TYW1: variants seen among roughly 807,000 people sequenced by gnomAD.
TYW1 encodes S-adenosyl-L-methionine-dependent tRNA 4-demethylwyosine synthase TYW1.
TYW1 carries 46 observed loss-of-function variants against 96.2 expected under a neutral mutation model. That is an observed-to-expected ratio of 0.48 (90% CI 0.38 to 0.61). The LOEUF is 0.61. TYW1 is among the 20% of genes least tolerant of loss of function. The pLI is 0.00. For synonymous variants in TYW1, 274 were observed against 323.0 expected (o/e 0.85, Z 1.63); for missense variants, 684 against 909.6 (o/e 0.75, Z 3.19).
chr7:67,124,552 T>C (rs1244880342), intron 13 of TYW1, among the ~76,000 whole-genome samples: 2 of 152,216 alleles, frequency 1.3e-5, no homozygotes, highest in Non-Finnish European at 2.9e-5. Flanking sequence ...ATATAGTTTA[T>C]ATGTTGTGAA....
At chr7:67,055,609 A>T (rs959822840) in intron 8 of TYW1, among the ~76,000 whole-genome samples, 2 of 151,118 alleles carry the variant, frequency 1.3e-5, no homozygotes, top group Non-Finnish European at 2.9e-5. Context: ...AAAAAAAAAA[A>T]AAAGATCATT....
intron 15 of TYW1, among the ~76,000 whole-genome samples, chr7:67,205,969 C>T (rs1179972826): frequency 1.3e-5 from 2 of 152,084 alleles, no homozygotes; most frequent in African/African-American, 4.8e-5. Flanking sequence ...AATCTTTTTG[C>T]TTGCCTTATA....
intron 11 of TYW1, chr7:67,089,510 C>G: frequency 1.2e-6 from 1 of 839,318 alleles, no homozygotes; most frequent in South Asian, 1.5e-5. Context: ...TTGGAGAGTC[C>G]TTTGCTTTCT....
chr7:67,120,854 C>A (rs968743710), intron 13 of TYW1, among the ~76,000 whole-genome samples: 4 of 152,216 alleles, frequency 2.6e-5, no homozygotes, highest in African/African-American at 9.6e-5. Context: ...GACAGTAATG[C>A]AGTAACTTAA....
intron 15 of TYW1, among the ~76,000 whole-genome samples, chr7:67,207,151 A>C (rs1365769154): frequency 1.3e-5 from 2 of 152,198 alleles, no homozygotes; most frequent in Non-Finnish European, 2.9e-5. Context: ...CTGTATGTAC[A>C]TATACCAAGC....
intron 6 of TYW1, 103 bp downstream of exon 6, chr7:67,018,246 A>G (rs1435745051): frequency 1.4e-6 from 2 of 1,454,158 alleles, no homozygotes; most frequent in Non-Finnish European, 1.8e-6. Context: ...TTCTGGTTAG[A>G]AGGAAGATCT....
rs188418056 is a variant in TYW1, at chr7:67,142,828, G to C, written c.1698+25210G>C. The stretch of plus-strand genomic sequence containing the variant: ...CATTTTTGGGAGGCTGAGGTGGGTG[G>C]ATCACCTGAGGTCAGGAATTCGAGA... On this transcript the variant is annotated intron_variant, in intron 13 of 15. Coordinates refer to ENST00000359626, the MANE Select transcript of TYW1 (RefSeq NM_018264.4). Among the ~76,000 whole-genome samples the C allele has an allele frequency of 2.8e-3, 424 of 152,206 alleles. 1 individual carries two copies. Among genetic ancestry groups the C allele is most frequent in the African/African-American group, 9.8e-3 (409 of 41,548 alleles).
At chr7:67,060,757 G>C (rs1350227930) in intron 9 of TYW1, among the ~76,000 whole-genome samples, 2 of 152,194 alleles carry the variant, frequency 1.3e-5, no homozygotes, top group East Asian at 3.8e-4. Context: ...AGGAGTAAAA[G>C]TCTCATTATG....
chr7:67,090,686 G>A (rs1189071858), intron 11 of TYW1, among the ~76,000 whole-genome samples: 4 of 152,230 alleles, frequency 2.6e-5, no homozygotes, highest in Non-Finnish European at 5.9e-5. Context: ...GTGTGTGCAT[G>A]TGCGTGTATG....
intron 13 of TYW1, among the ~76,000 whole-genome samples, chr7:67,133,475 G>A (rs545966863): frequency 4.6e-5 from 7 of 152,006 alleles, no homozygotes; most frequent in Admixed American, 6.6e-5. Flanking sequence ...CAAGGCAGGC[G>A]GATCATGAAA....
intron 14 of TYW1, among the ~76,000 whole-genome samples, chr7:67,190,626 CAG>C (rs762574875): frequency 2.0e-5 from 3 of 152,196 alleles, no homozygotes; most frequent in South Asian, 4.1e-4. Context: ...TGGCCAAAGA[CAG>C]GGGCTTGAAT....
At chr7:67,190,594 G>A (rs773779948) in intron 14 of TYW1, among the ~76,000 whole-genome samples, 10 of 152,336 alleles carry the variant, frequency 6.6e-5, no homozygotes, top group Non-Finnish European at 7.3e-5. Flanking sequence ...GGGCAGTCCA[G>A]CTCTAGAGTT....
rs970329189 is a variant in TYW1 at position 67,143,009 on chromosome 7, C to T, written c.1698+25391C>T. ...CGGAAGTTGAAATGAGCCAAGATAGCGCCATTGCACTCCAGCCTGGAACAA... is the reference window on the plus strand; with the variant it reads ...CGGAAGTTGAAATGAGCCAAGATAGTGCCATTGCACTCCAGCCTGGAACAA... On this transcript the variant is annotated intron_variant, in intron 13 of 15. Transcript: ENST00000359626. 1.3e-4 allele frequency among the ~76,000 whole-genome samples: 20 copies of T among 150,830 alleles called. No homozygotes were observed. In the South Asian group the frequency reaches 1.7e-3, roughly 13 times the overall value.
At position 67,238,293 on chromosome 7, in the gene TYW1, T is replaced by C. The variant is rs894949540; in HGVS notation, c.1978-15T>C. The C allele has an allele frequency of 2.5e-6, 4 of 1,589,150 alleles. No individual in the cohort carries two copies. Among genetic ancestry groups the C allele is most frequent in the African/African-American group, 2.7e-5 (2 of 73,732 alleles). On this transcript the variant is annotated splice_polypyrimidine_tract_variant and intron_variant, in intron 15 of 15. Transcript: ENST00000359626. ...ATGTTTTTACTTCTGACTTGACACA[T>C]TTTTTTCTTTCCAGTTTAAAATTGG...
intron 13 of TYW1, among the ~76,000 whole-genome samples, chr7:67,134,957 A>G (rs1356795816): frequency 4.0e-5 from 6 of 150,454 alleles, no homozygotes; most frequent in African/African-American, 1.5e-4. Context: ...AAAAAAAAAA[A>G]AAAAAAAAAA....
chr7:67,199,239 A>G (rs1188451022), intron 15 of TYW1, among the ~76,000 whole-genome samples: 1 of 151,904 alleles, frequency 6.6e-6, no homozygotes, highest in Non-Finnish European at 1.5e-5. Context: ...TTTGTTTTAT[A>G]TTTGCCTGAT....
intron 9 of TYW1, 102 bp from the exon 10 acceptor site, chr7:67,067,183 A>T (rs1228302566): frequency 1.5e-6 from 2 of 1,309,960 alleles, no homozygotes; most frequent in African/African-American, 2.9e-5. Flanking sequence ...AGGAGTATTC[A>T]TGGTTACGAA....
At chr7:67,166,031 G>A (rs1379318658) in intron 13 of TYW1, among the ~76,000 whole-genome samples, 1 of 152,092 alleles carries the variant, frequency 6.6e-6, no homozygotes, top group Non-Finnish European at 1.5e-5. Flanking sequence ...CTTGAGGCCA[G>A]GAGTTTGAGA....
At chr7:67,205,795 C>G (rs76045002) in intron 15 of TYW1, among the ~76,000 whole-genome samples, 1 of 149,264 alleles carries the variant, frequency 6.7e-6, no homozygotes, top group Non-Finnish European at 1.5e-5. Flanking sequence ...ACTTGGGACT[C>G]TTTTTTTTTT....
Sources: allele counts gnomAD v4.1 joint callset (sites outside exome capture counted in the v4.1 genomes callset), GRCh38; gene constraint gnomAD v4.1.1; transcripts MANE v1.5; gene names NCBI Gene and HGNC (gene_info 2026-07-23, HGNC 2026-07-21).